Variants in RINT1 observed in about 807,000 individuals in gnomAD.
RINT1 encodes the protein RAD50-interacting protein 1.
In RINT1, 75 loss-of-function variants were observed where a neutral mutation model predicts 97.7. That is an observed-to-expected ratio of 0.77 (90% CI 0.64 to 0.93). The LOEUF is 0.93. RINT1 is among the 40% of genes least tolerant of loss of function. The probability of loss-of-function intolerance (pLI) is 0.00; values close to 1 mark genes in which losing one functional copy is unlikely to be tolerated. For missense variants in RINT1, 892 were observed against 925.2 expected (o/e 0.96, Z 0.47); for synonymous variants, 303 against 326.3 (o/e 0.93, Z 0.77).
At chr7:105,539,472 C>T (rs916883252) in intron 3 of RINT1, among the ~76,000 whole-genome samples, 1 of 151,782 alleles carries the variant, frequency 6.6e-6, no homozygotes, top group Non-Finnish European at 1.5e-5. Flanking sequence ...GTGATTCTCC[C>T]GCCTCAGGCT....
intron 10 of RINT1, among the ~76,000 whole-genome samples, chr7:105,554,681 C>A (rs1011050799): frequency 6.6e-5 from 10 of 152,126 alleles, no homozygotes; most frequent in Non-Finnish European, 1.3e-4. Context: ...CTCAGTTGAT[C>A]CACCTGCCTT....
At chr7:105,553,407 T>A (rs1392407080) in intron 10 of RINT1, among the ~76,000 whole-genome samples, 1 of 151,324 alleles carries the variant, frequency 6.6e-6, no homozygotes, top group Non-Finnish European at 1.5e-5. Flanking sequence ...TTTTTGTATT[T>A]TTACTAAAAA....
chr7:105,557,504 C>T (rs1791234092), intron 11 of RINT1, among the ~76,000 whole-genome samples: 1 of 151,942 alleles, frequency 6.6e-6, no homozygotes, highest in African/African-American at 2.4e-5. Flanking sequence ...TATATTCAAA[C>T]ATGGACATGT....
At position 105,532,240 on chromosome 7, in the gene RINT1, G is replaced by A; in HGVS notation, c.-76G>A. 1.3e-6 allele frequency: 2 copies of A among 1,492,636 alleles called. No homozygotes were observed. Among genetic ancestry groups the A allele is most frequent in the Non-Finnish European group, 1.8e-6 (2 of 1,108,248 alleles). 92.5% of individuals were successfully genotyped at this position (1,492,636 alleles called of 1,614,324 possible). A position where few individuals can be genotyped will look rare whatever the true frequency, so the allele number is the denominator to read the frequency against. ...TACGGCCTCCGAGGCTGGGTAGTGA[G>A]TGTGTCGCTGGCCTTAGCCAGACTC... On this transcript the variant is annotated 5_prime_UTR_variant, in exon 1 of 15. It adds an upstream start codon to the 5' untranslated region. Transcript: ENST00000257700.
chr7:105,558,931 G>T (rs1318337656), intron 11 of RINT1, among the ~76,000 whole-genome samples: 1 of 152,088 alleles, frequency 6.6e-6, no homozygotes, highest in African/African-American at 2.4e-5. Context: ...CTGCACTCCA[G>T]CCTGGGCAAC....
rs770595233 is a variant in RINT1 at position 105,551,571 on chromosome 7, T to C, written c.1335T>C (p.Phe445=). The change falls in exon 10 of 15, where the codon TTT becomes TTC. Residue 445 remains phenylalanine, a splice_region_variant and synonymous_variant. Coordinates refer to ENST00000257700, the MANE Select transcript of RINT1 (RefSeq NM_021930.6). ...FQRWLTVERK[F]ALQKMDSMLS... is the part of the protein sequence containing the mutation. ...ATAATTGTTTTGTCTGCTTATCAGT[T>C]GCTCTTCAAAAAATGGACTCAATGC... The C allele has an allele frequency of 1.7e-5, 27 of 1,595,740 alleles. 1 individual carries two copies. The highest frequency in any genetic ancestry group is 6.8e-5 in the South Asian group (6 of 87,908).
chr7:105,532,347 C>T lies in RINT1; in HGVS notation c.32C>T (p.Pro11Leu), dbSNP rs1329467216. ...CCAGCCGGCGAGATCGGCGCCTCTC[C>T]TGCAGCCCCGGTGAGACGGCCCTGG... MLPAGEIGASPAAPCCSESGD... is the reference protein window; with the variant it reads MLPAGEIGASLAAPCCSESGD... The change falls in exon 1 of 15, where the codon CCT (proline) becomes CTT (leucine). Residue 11 changes from proline to leucine, a missense_variant. Pro to Leu is a moderately conservative substitution (Grantham distance 98, BLOSUM62 -3). Coordinates refer to ENST00000257700, the MANE Select transcript of RINT1 (RefSeq NM_021930.6). 6.2e-7 allele frequency: 1 copy of T among 1,600,924 alleles called. No individual in the cohort carries two copies.
chr7:105,545,183 G>A (rs1790610388), intron 4 of RINT1, among the ~76,000 whole-genome samples: 1 of 151,944 alleles, frequency 6.6e-6, no homozygotes. Flanking sequence ...CGGGCATGGT[G>A]GCTCATGCCG....
chr7:105,536,649 C>T lies in RINT1; in HGVS notation c.173C>T (p.Ala58Val). 2 of 1,612,068 alleles carry T rather than the reference C, an allele frequency of 1.2e-6. No individual in the cohort carries two copies. The highest frequency in any genetic ancestry group is 1.7e-6 in the Non-Finnish European group (2 of 1,178,486). Residue 58 changes from alanine (A) to valine (V), a missense_variant, in exon 3 of 15, where the codon GCA becomes GTA. By Grantham distance (64) the Ala-to-Val change is moderately conservative (BLOSUM62 0). Transcript: ENST00000257700. ...DNGDLPSYVSAFIEKEVGNDL... is the reference protein window; with the variant it reads ...DNGDLPSYVSVFIEKEVGNDL... ...GGTGATCTCCCTTCTTATGTGTCTG[C>T]ATTCATAGAAAAGGAAGTTGGAAAT...
Position 105,565,270 on chromosome 7 carries a change from T to C in RINT1, c.1887-7T>C. ...AAAATTTTTTGGTAAAAATGTGTTT[T>C]TTCCAGATGGTTGTCCTTGCCATCT... On this transcript the variant is annotated splice_polypyrimidine_tract_variant and splice_region_variant and intron_variant, in intron 12 of 14. Coordinates refer to ENST00000257700, the MANE Select transcript of RINT1 (RefSeq NM_021930.6). The C allele has an allele frequency of 6.4e-7, 1 of 1,561,828 alleles. No individual in the cohort carries two copies. The highest frequency in any genetic ancestry group is 8.7e-7 in the Non-Finnish European group (1 of 1,155,478).
intron 4 of RINT1, among the ~76,000 whole-genome samples, chr7:105,543,088 C>T (rs917532692): frequency 6.6e-6 from 1 of 151,852 alleles, no homozygotes; most frequent in Non-Finnish European, 1.5e-5. Context: ...GACGGGGTTT[C>T]ACCATGTTAG....
chr7:105,546,988 C>T lies in RINT1; in HGVS notation c.594C>T (p.Asp198=). 1.2e-6 allele frequency: 2 copies of T among 1,613,828 alleles called. No homozygotes were observed. The highest frequency in any genetic ancestry group is 1.7e-6 in the Non-Finnish European group (2 of 1,179,736). ...ASTLVSMAEL[D]IKLQESSCTH... ...CTCTAGTGTCTATGGCAGAACTTGACATTAAACTTCAGGAATCATCTTGTA... is the reference window on the plus strand; with the variant it reads ...CTCTAGTGTCTATGGCAGAACTTGATATTAAACTTCAGGAATCATCTTGTA... The change falls in exon 5 of 15, where the codon GAC becomes GAT. Residue 198 remains aspartate, a synonymous_variant. Coordinates refer to ENST00000257700, the MANE Select transcript of RINT1 (RefSeq NM_021930.6).
At chr7:105,534,952 A>G (rs1055835014) in intron 2 of RINT1, among the ~76,000 whole-genome samples, 14 of 152,188 alleles carry the variant, frequency 9.2e-5, no homozygotes, top group Non-Finnish European at 1.3e-4. Context: ...TAATCTTTAC[A>G]TAAATAGTTG....
At chr7:105,565,836 CAA>C (rs1260184462) in intron 14 of RINT1, among the ~76,000 whole-genome samples, 188 bp downstream of exon 14, 3 of 152,276 alleles carry the variant, frequency 2.0e-5, no homozygotes, top group South Asian at 4.1e-4. Flanking sequence ...CCCATGACCT[CAA>C]AAAGTTTCAG....
intron 12 of RINT1, 104 bp downstream of exon 12, chr7:105,564,051 T>A (rs1009943482): frequency 9.6e-6 from 7 of 729,048 alleles, no homozygotes; most frequent in Admixed American, 2.7e-5. Context: ...TTTGGCCTTA[T>A]GTACTTTATT....
chr7:105,548,473 TTTA>T, intron 6 of RINT1, 78 bp from the exon 7 acceptor site: 5 of 1,355,670 alleles, frequency 3.7e-6, no homozygotes, highest in Non-Finnish European at 5.3e-6. Flanking sequence ...GTTGGAAAAA[TTTA>T]TTGTGTGTGT....
intron 11 of RINT1, among the ~76,000 whole-genome samples, chr7:105,555,989 C>T (rs1791162665): frequency 6.6e-6 from 1 of 151,614 alleles, no homozygotes; most frequent in African/African-American, 2.4e-5. Context: ...ACTAACATTT[C>T]ATGTATCAAA....
chr7:105,536,941 A>G (rs1194586571), intron 3 of RINT1, among the ~76,000 whole-genome samples, 192 bp downstream of exon 3: 3 of 152,184 alleles, frequency 2.0e-5, no homozygotes, highest in African/African-American at 4.8e-5. Flanking sequence ...CAAAGTTCCT[A>G]CTGATATGGT....
At chr7:105,555,517 C>A (rs1409794981) in intron 11 of RINT1, among the ~76,000 whole-genome samples, 3 of 152,056 alleles carry the variant, frequency 2.0e-5, no homozygotes, top group Non-Finnish European at 2.9e-5. Flanking sequence ...ATGGTAATTG[C>A]AATCACAGGA....
Sources: gnomAD v4.1 joint callset for allele counts (sites outside exome capture counted in the v4.1 genomes callset) on GRCh38, gnomAD v4.1.1 for gene constraint, MANE v1.5 for transcripts, NCBI Gene and HGNC (gene_info 2026-07-23, HGNC 2026-07-21) for gene names.